The following GALNT9 variants were observed in gnomAD, a reference collection of about 807,000 sequenced individuals.
The protein encoded by GALNT9 is GalNAc transferase 9.
GALNT9 carries 47 observed loss-of-function variants against 63.1 expected under a neutral mutation model. That is an observed-to-expected ratio of 0.75 (90% CI 0.59 to 0.95). The LOEUF (loss-of-function observed/expected upper bound fraction) is 0.95, where lower values mean the gene tolerates loss of function less well. Among genes scored for constraint, GALNT9 ranks in the 40% least tolerant of loss-of-function variants. The probability of loss-of-function intolerance (pLI) is 0.00; values close to 1 mark genes in which losing one functional copy is unlikely to be tolerated. For synonymous variants in GALNT9, 396 were observed against 365.7 expected (o/e 1.08, Z -0.94); for missense variants, 829 against 874.8 (o/e 0.95, Z 0.66).
chr12:132,206,855 TAAA>T (rs1049491191), intron 6 of GALNT9, among the ~76,000 whole-genome samples: 1 of 151,764 alleles, frequency 6.6e-6, no homozygotes, highest in Admixed American at 6.6e-5. Context: ...ATTTGTCCAT[TAAA>T]AAAACCAGCG....
At chr12:132,240,718 C>T (rs536189835) in intron 6 of GALNT9, 1 of 455,920 alleles carries the variant, frequency 2.2e-6, no homozygotes, top group South Asian at 1.5e-5. Context: ...TTGCTGGAAC[C>T]CTTCTGTTTC....
At chr12:132,293,380 A>AG (rs1431534126) in intron 1 of GALNT9, among the ~76,000 whole-genome samples, 1 of 152,202 alleles carries the variant, frequency 6.6e-6, no homozygotes, top group Non-Finnish European at 1.5e-5. Context: ...GCCCCTCAAT[A>AG]GGTAACTTGG....
At chr12:132,242,428 C>G in intron 6 of GALNT9, among the ~76,000 whole-genome samples, 1 of 16,398 alleles carries the variant, frequency 6.1e-5, no homozygotes, top group Non-Finnish European at 1.0e-4. Flanking sequence ...ACACAACACA[C>G]ACCCTTCCCG....
At chr12:132,216,404 G>A (rs1359671516) in intron 6 of GALNT9, among the ~76,000 whole-genome samples, 1 of 152,244 alleles carries the variant, frequency 6.6e-6, no homozygotes, top group Non-Finnish European at 1.5e-5. Flanking sequence ...ACGACGTCCT[G>A]GAGACCAGCA....
At chr12:132,210,452 C>G (rs964558335) in intron 6 of GALNT9, among the ~76,000 whole-genome samples, 1 of 152,154 alleles carries the variant, frequency 6.6e-6, no homozygotes, top group East Asian at 1.9e-4. Flanking sequence ...GGGAGGCAGG[C>G]GAGGCTCAGA....
At chr12:132,326,761 C>A (rs1182794046) in intron 1 of GALNT9, among the ~76,000 whole-genome samples, 1 of 152,232 alleles carries the variant, frequency 6.6e-6, no homozygotes, top group Non-Finnish European at 1.5e-5. Flanking sequence ...CCTGGGATGT[C>A]ACATTCTGGA....
At chr12:132,214,578 C>T (rs1221179421) in intron 6 of GALNT9, among the ~76,000 whole-genome samples, 1 of 152,256 alleles carries the variant, frequency 6.6e-6, no homozygotes, top group African/African-American at 2.4e-5. Context: ...ATGGCCCATG[C>T]CCCAGAGCTG....
intron 1 of GALNT9, among the ~76,000 whole-genome samples, chr12:132,305,582 C>CCCTCACCCGGGCACAA (rs1881573613): frequency 2.1e-5 from 3 of 144,322 alleles, no homozygotes; most frequent in African/African-American, 5.3e-5. Context: ...CCCAGACACG[C>CCCTCACCCGGGCACAA]CCTCACCCGG....
intron 2 of GALNT9, among the ~76,000 whole-genome samples, chr12:132,267,799 ACGCAC>A (rs1879677188): frequency 2.0e-5 from 2 of 101,064 alleles, no homozygotes; most frequent in African/African-American, 1.3e-4. Context: ...ACGCACTCAC[ACGCAC>A]TCACACACGC....
At chr12:132,216,458 G>T (rs905938349) in intron 6 of GALNT9, among the ~76,000 whole-genome samples, 1 of 152,250 alleles carries the variant, frequency 6.6e-6, no homozygotes, top group South Asian at 2.1e-4. Context: ...TGGCACAGCC[G>T]CAGGCCCAGC....
chr12:132,244,310 C>T (rs1555237817), intron 6 of GALNT9, among the ~76,000 whole-genome samples: 2 of 354 alleles, frequency 5.6e-3, no homozygotes, highest in African/African-American at 0.026. Flanking sequence ...TGGGGCTGGA[C>T]GGGGGCGTGG....
Position 132,296,662 on chromosome 12 carries a change from A to C in GALNT9, c.239-10232T>G, listed in dbSNP as rs998944932. Among the ~76,000 whole-genome samples the C allele has an allele frequency of 6.6e-6, 1 of 152,190 alleles. No homozygotes were observed. Among genetic ancestry groups the C allele is most frequent in the Non-Finnish European group, 1.5e-5 (1 of 68,032 alleles). ...GGTCACAGGCTGGTGGTGACAGCTG[A>C]CCTGTCACACACCAACTTTCAGCAC... is the stretch of plus-strand genomic sequence containing the variant. On this transcript the variant is annotated intron_variant, in intron 1 of 10. Coordinates refer to ENST00000328957, the MANE Select transcript of GALNT9 (RefSeq NM_001122636.2). The surrounding 1 kb of genome is among the most constrained non-coding windows in gnomAD (Gnocchi z 4.2).
At chr12:132,281,543 C>T (rs1880343295) in intron 2 of GALNT9, among the ~76,000 whole-genome samples, 1 of 152,206 alleles carries the variant, frequency 6.6e-6, no homozygotes, top group Non-Finnish European at 1.5e-5. Context: ...TGTGTGCCTT[C>T]AAACCAGAGT....
chr12:132,254,024 T>G (rs199512179), intron 5 of GALNT9, among the ~76,000 whole-genome samples: 15 of 98,188 alleles, frequency 1.5e-4, no homozygotes, highest in South Asian at 4.7e-4. Flanking sequence ...CACTGTTTTT[T>G]CTTTTTTTTT....
intron 6 of GALNT9, among the ~76,000 whole-genome samples, chr12:132,240,944 C>T (rs868989525): frequency 1.0e-5 from 1 of 96,056 alleles, no homozygotes; most frequent in East Asian, 3.4e-4. Flanking sequence ...CACGCCACAC[C>T]CCCTTCCCGG....
rs1879575489 is a variant in GALNT9, at chr12:132,265,917, G to A, written c.420-3292C>T. On this transcript the variant is annotated intron_variant, in intron 2 of 10. Transcript: ENST00000328957. This position sits in a 1 kb window ranked among gnomAD's most constrained non-coding sequence, Gnocchi z 5.3. ...GTGTGTTGGAGCATGTAGGTACTGAGCATGTGTGCCAACCACAGGCCTGTC... is the reference window on the plus strand; with the variant it reads ...GTGTGTTGGAGCATGTAGGTACTGAACATGTGTGCCAACCACAGGCCTGTC... Among the ~76,000 whole-genome samples the A allele has an allele frequency of 6.6e-6, 1 of 152,236 alleles. No homozygotes were observed.
chr12:132,235,216 C>T (rs1877959875), intron 6 of GALNT9, among the ~76,000 whole-genome samples: 2 of 152,074 alleles, frequency 1.3e-5, no homozygotes, highest in Non-Finnish European at 2.9e-5. Context: ...AGAGAGGAGA[C>T]AGCGTGGAGC....
rs147234953 is a variant in GALNT9, at chr12:132,250,141, G to A, written c.960-2114C>T. ...GAGCGAGGCTGACACAGCCTGCGAC[G>A]TGGAGGAACCCTGGAAACGTGGCAC... On this transcript the variant is annotated intron_variant, in intron 5 of 10. Transcript: ENST00000328957. Among the ~76,000 whole-genome samples, 901 of 152,360 alleles carry A rather than the reference G, an allele frequency of 5.9e-3. 8 individuals carry two copies. The highest frequency in any genetic ancestry group is 9.0e-3 in the Non-Finnish European group (613 of 68,032).
intron 6 of GALNT9, among the ~76,000 whole-genome samples, chr12:132,213,529 TCCCA>T (rs769855384): frequency 3.7e-4 from 56 of 149,474 alleles, no homozygotes; most frequent in African/African-American, 1.3e-3. Flanking sequence ...ACACACGCAC[TCCCA>T]CCCACATACA....
Sources: gnomAD v4.1 joint callset for allele counts (sites outside exome capture counted in the v4.1 genomes callset) on GRCh38, gnomAD v4.1.1 for gene constraint, Gnocchi (gnomAD v3.1) non-coding constraint, MANE v1.5 for transcripts, NCBI Gene and HGNC (gene_info 2026-07-23, HGNC 2026-07-21) for gene names.